LEMD1: variants seen among roughly 807,000 people sequenced by gnomAD.
LEMD1 encodes LEM domain-containing protein 1.
Under a neutral mutation model 17.4 loss-of-function variants are expected in LEMD1, and 18 were observed. The observed-to-expected ratio is 1.04, with a 90% confidence interval of 0.72 to 1.54. The LOEUF (loss-of-function observed/expected upper bound fraction) is 1.54, where lower values mean the gene tolerates loss of function less well. Ranked by LOEUF, LEMD1 falls within the 40% of genes most tolerant of loss-of-function variation. The probability of loss-of-function intolerance (pLI) is 0.00; values close to 1 mark genes in which losing one functional copy is unlikely to be tolerated. For missense variants in LEMD1, 195 were observed against 210.4 expected (o/e 0.93, Z 0.45); for synonymous variants, 88 against 77.8 (o/e 1.13, Z -0.69).
chr1:205,426,104 A>G (rs182013298), upstream of LEMD1, among the ~76,000 whole-genome samples: 1 of 152,258 alleles, frequency 6.6e-6, no homozygotes, highest in African/African-American at 2.4e-5. Context: ...CCTGCTATAC[A>G]AAGTTAGGAA....
At chr1:205,391,268 C>A (rs934486959) in intron 4 of LEMD1, among the ~76,000 whole-genome samples, 1 of 152,066 alleles carries the variant, frequency 6.6e-6, no homozygotes, top group Non-Finnish European at 1.5e-5. Flanking sequence ...ATACCTAAAA[C>A]AAGCCTATGA....
chr1:205,430,847 G>T (rs1175159914), intron 1 of LEMD1, among the ~76,000 whole-genome samples: 3 of 152,256 alleles, frequency 2.0e-5, no homozygotes, highest in Admixed American at 6.5e-5. Context: ...GCAGCAGACG[G>T]AACTCGACTT....
rs1666295116 is a variant in LEMD1, at chr1:205,441,615, C to CT, written c.-39+8252dup. Among the ~76,000 whole-genome samples the CT allele has an allele frequency of 6.6e-6, 1 of 152,090 alleles. No individual in the cohort carries two copies. ...TAACAACCCCAAGTTGTCTGACACC[C>CT]TAGGAAAGCCTATAGGGAGCAATTA... On this transcript the variant is annotated intron_variant, in intron 1 of 3. Transcript: ENST00000367154. The surrounding 1 kb of genome is among the most constrained non-coding windows in gnomAD (Gnocchi z 4.3).
chr1:205,406,448 T>A (rs2102400482), intron 4 of LEMD1, among the ~76,000 whole-genome samples: 1 of 152,348 alleles, frequency 6.6e-6, no homozygotes, highest in East Asian at 1.9e-4. Context: ...CGCCTTGCAG[T>A]TTGATCTCAG....
Position 205,420,459 on chromosome 1 carries a change from TA to T in LEMD1, c.77del (p.Ile26AsnfsTer13), listed in dbSNP as rs1665910348. 6.2e-7 allele frequency: 1 copy of T among 1,612,422 alleles called. No individual in the cohort carries two copies. The highest frequency in any genetic ancestry group is 8.5e-7 in the Non-Finnish European group (1 of 1,178,464). ...TTTGCTGCATACTGTACATACGTAG[TA>T]TTGGGCCAGGTGAAAATCCAAGCTT... is the stretch of plus-strand genomic sequence containing the variant. ...LEKLGFSPGP[I>X]LPSTRKLYEK... On this transcript the variant is annotated frameshift_variant, in exon 2 of 6. Transcript: ENST00000367153. LOFTEE classifies it high-confidence loss of function.
intron 1 of LEMD1, among the ~76,000 whole-genome samples, chr1:205,447,126 A>C (rs1575011760): frequency 6.6e-6 from 1 of 152,354 alleles, no homozygotes; most frequent in East Asian, 1.9e-4. Flanking sequence ...AATATGCAGC[A>C]TGATGTGCTA....
chr1:205,418,927 C>G (rs1477087217), intron 3 of LEMD1, among the ~76,000 whole-genome samples: 1 of 152,204 alleles, frequency 6.6e-6, no homozygotes. Flanking sequence ...CAGAATTTAC[C>G]TGTAGGAATT....
chr1:205,422,579 T>C (rs907550878), upstream of LEMD1, among the ~76,000 whole-genome samples: 2 of 152,234 alleles, frequency 1.3e-5, no homozygotes, highest in East Asian at 3.8e-4. Context: ...ATCCTCTGGA[T>C]ACTCTTATAA....
chr1:205,386,553 C>G (rs973620725), intron 4 of LEMD1: 2 of 152,228 alleles, frequency 1.3e-5, no homozygotes, highest in African/African-American at 4.8e-5. Context: ...ATCCGCCCGC[C>G]TCAGCCTCCC....
intron 4 of LEMD1, among the ~76,000 whole-genome samples, chr1:205,397,707 T>C (rs955884335): frequency 6.6e-6 from 1 of 152,168 alleles, no homozygotes; most frequent in Admixed American, 6.6e-5. Flanking sequence ...TCAAGGGTGC[T>C]CATATGGGAG....
chr1:205,416,392 G>C (rs1221158878), intron 3 of LEMD1, 96 bp from the exon 4 acceptor site: 9 of 856,890 alleles, frequency 1.1e-5, no homozygotes, highest in Admixed American at 5.4e-5. Context: ...CTCTCAATTA[G>C]AGGACATTTT....
At chr1:205,404,142 T>C (rs1239071636) in intron 4 of LEMD1, among the ~76,000 whole-genome samples, 1 of 152,190 alleles carries the variant, frequency 6.6e-6, no homozygotes, top group Non-Finnish European at 1.5e-5. Flanking sequence ...AATTTTGAAA[T>C]AGGTGTGGTG....
At chr1:205,418,869 A>G (rs909712617) in intron 3 of LEMD1, among the ~76,000 whole-genome samples, 3 of 152,198 alleles carry the variant, frequency 2.0e-5, no homozygotes, top group Non-Finnish European at 4.4e-5. Flanking sequence ...AATAATGGTC[A>G]GATTTATCAA....
At chr1:205,415,172 A>C (rs1665633730) in intron 4 of LEMD1, among the ~76,000 whole-genome samples, 1 of 152,062 alleles carries the variant, frequency 6.6e-6, no homozygotes, top group Non-Finnish European at 1.5e-5. Context: ...ACAGGGGGAT[A>C]ACCATGGGGA....
chr1:205,445,431 C>T (rs1041123080), intron 1 of LEMD1, among the ~76,000 whole-genome samples: 1 of 152,244 alleles, frequency 6.6e-6, no homozygotes, highest in Non-Finnish European at 1.5e-5. Flanking sequence ...TTAACTCCTT[C>T]TTGGCCTGCT....
intron 1 of LEMD1, among the ~76,000 whole-genome samples, chr1:205,421,756 T>C (rs1665968423): frequency 6.6e-6 from 1 of 152,174 alleles, no homozygotes; most frequent in African/African-American, 2.4e-5. Context: ...AAAAGGACAA[T>C]GCATCTCAGC....
At chr1:205,388,255 T>G (rs966824197) in intron 4 of LEMD1, among the ~76,000 whole-genome samples, 4 of 152,176 alleles carry the variant, frequency 2.6e-5, no homozygotes, top group Admixed American at 2.0e-4. Flanking sequence ...TGGCGTGCAG[T>G]GGCGTGATCT....
chr1:205,432,182 A>T (rs1037778794), intron 1 of LEMD1, among the ~76,000 whole-genome samples: 1 of 152,210 alleles, frequency 6.6e-6, no homozygotes, highest in Non-Finnish European at 1.5e-5. Context: ...AGAAAGGAAG[A>T]GGAAGGGAAA....
In LEMD1 at chr1:205,441,867, C is replaced by T. The variant is rs1044396372; in HGVS notation, c.-39+8001G>A. 6.6e-6 allele frequency among the ~76,000 whole-genome samples: 1 copy of T among 152,212 alleles called. No homozygotes were observed. The highest frequency in any genetic ancestry group is 2.4e-5 in the African/African-American group (1 of 41,464). On this transcript the variant is annotated intron_variant, in intron 1 of 3. Transcript: ENST00000367154. This position sits in a 1 kb window ranked among gnomAD's most constrained non-coding sequence, Gnocchi z 4.3. ...TGCCCCAGCTGGACACGCTGTCCCC[C>T]ACCTCTGGCTGACCCGGCCCTCAGC...
Sources: allele counts gnomAD v4.1 joint callset (sites outside exome capture counted in the v4.1 genomes callset), GRCh38; gene constraint gnomAD v4.1.1; non-coding constraint Gnocchi (gnomAD v3.1); transcripts MANE v1.5; gene names NCBI Gene and HGNC (gene_info 2026-07-23, HGNC 2026-07-21).